Variants in SH3PXD2A observed in about 807,000 individuals in gnomAD.
SH3PXD2A encodes the protein SH3 and PX domains 2A, also known as SH3 and PX domain-containing protein 2A.
SH3PXD2A carries 32 observed loss-of-function variants against 115.2 expected under a neutral mutation model. The observed-to-expected ratio is 0.28, with a 90% confidence interval of 0.21 to 0.37. The LOEUF (loss-of-function observed/expected upper bound fraction) is 0.37. SH3PXD2A is among the 10% of genes least tolerant of loss of function. The pLI is 1.00. For synonymous variants in SH3PXD2A, 610 were observed against 629.1 expected, an observed-to-expected ratio of 0.97 and a Z score of 0.45; for missense variants, 1,328 against 1,498.7, an observed-to-expected ratio of 0.89 and a Z score of 1.88.
intron 7 of SH3PXD2A, among the ~76,000 whole-genome samples, chr10:103,663,919 A>T (rs2037348971): frequency 6.6e-6 from 1 of 152,262 alleles, no homozygotes; most frequent in Non-Finnish European, 1.5e-5. Context: ...AGTCCCGAGC[A>T]GCCCTGCTAA....
In SH3PXD2A at chr10:103,613,102, G is replaced by A; in HGVS notation, c.1009C>T (p.Pro337Ser). Residue 337 changes from proline (P) to serine (S), a missense_variant, in exon 12 of 15, where the codon CCA (proline) becomes TCA (serine). Transcript: ENST00000369774. Reference protein sequence around the residue: ...LPTRKKNLAGPVEIIGNIMEI... With the variant: ...LPTRKKNLAGSVEIIGNIMEI... ...ATGATGTTCCCAATGATCTCCACTG[G>A]GCCGGCCAGGTTCTTCTTCCGGGTT... is the stretch of plus-strand genomic sequence containing the variant. 6.2e-7 allele frequency: 1 copy of A among 1,614,188 alleles called. No homozygotes were observed. The highest frequency in any genetic ancestry group is 8.5e-7 in the Non-Finnish European group (1 of 1,180,034).
Position 103,607,151 on chromosome 10 carries a change from C to T in SH3PXD2A, c.1309-1234G>A, listed in dbSNP as rs533991192. ...GGGGAGTGCCTCTGCCCTGCCGCCC[C>T]GTCTGGGATGTGAGGAGCGCCTCTC... On this transcript the variant is annotated intron_variant, in intron 13 of 14. Coordinates refer to ENST00000369774, the MANE Select transcript of SH3PXD2A (RefSeq NM_001394015.1). Among the ~76,000 whole-genome samples the T allele has an allele frequency of 5.8e-3, 884 of 151,690 alleles. 10 individuals are homozygous for T. Among genetic ancestry groups the T allele is most frequent in the Non-Finnish European group, 6.8e-3 (458 of 67,806 alleles).
chr10:103,826,315 G>C (rs984638935), intron 1 of SH3PXD2A, among the ~76,000 whole-genome samples: 1 of 152,090 alleles, frequency 6.6e-6, no homozygotes, highest in Non-Finnish European at 1.5e-5. Flanking sequence ...AGGATACTTG[G>C]GCTCAGAGAG....
intron 6 of SH3PXD2A, among the ~76,000 whole-genome samples, chr10:103,689,017 C>T (rs998729431): frequency 3.3e-5 from 5 of 152,098 alleles, no homozygotes; most frequent in African/African-American, 9.7e-5. Context: ...CAGGCCTGCA[C>T]CACTACATCC....
intron 1 of SH3PXD2A, among the ~76,000 whole-genome samples, chr10:103,842,124 CAAA>C (rs541852028): frequency 1.1e-5 from 1 of 89,184 alleles, no homozygotes. Flanking sequence ...GACTCCGTCT[CAAA>C]AAAAAAAAAA....
intron 2 of SH3PXD2A, among the ~76,000 whole-genome samples, chr10:103,785,388 G>T (rs1168059304): frequency 6.6e-6 from 1 of 152,146 alleles, no homozygotes; most frequent in African/African-American, 2.4e-5. Context: ...GCTGGCCCAA[G>T]ACTCCTGCCC....
intron 3 of SH3PXD2A, among the ~76,000 whole-genome samples, chr10:103,761,302 T>C (rs1399894395): frequency 6.6e-6 from 1 of 152,158 alleles, no homozygotes; most frequent in Non-Finnish European, 1.5e-5. Context: ...AAAATGGGAA[T>C]AATGCCAGCT....
chr10:103,759,356 GATT>G (rs2038675750), intron 3 of SH3PXD2A, among the ~76,000 whole-genome samples: 1 of 152,188 alleles, frequency 6.6e-6, no homozygotes, highest in African/African-American at 2.4e-5. Context: ...CGCCTACCTT[GATT>G]ATGGTTATAG....
chr10:103,764,084 T>G (rs1589445806), intron 3 of SH3PXD2A, among the ~76,000 whole-genome samples: 1 of 152,336 alleles, frequency 6.6e-6, no homozygotes, highest in South Asian at 2.1e-4. Flanking sequence ...ACAGGCAATG[T>G]TCATCACTGC....
intron 7 of SH3PXD2A, among the ~76,000 whole-genome samples, chr10:103,662,343 G>GGT (rs1554908100): frequency 1.1e-5 from 1 of 90,854 alleles, no homozygotes; most frequent in Non-Finnish European, 2.2e-5. Flanking sequence ...ATTATTGGCG[G>GGT]GGGGGGGGGC....
intron 2 of SH3PXD2A, among the ~76,000 whole-genome samples, chr10:103,778,690 C>G (rs752748216): frequency 6.6e-6 from 1 of 152,212 alleles, no homozygotes; most frequent in Non-Finnish European, 1.5e-5. Context: ...AAAGAGACTC[C>G]GGTGGTGTTT....
intron 5 of SH3PXD2A, among the ~76,000 whole-genome samples, chr10:103,702,585 C>CTGTGTGCGTGCGTG (rs1554913249): frequency 3.0e-5 from 1 of 32,984 alleles, no homozygotes; most frequent in Non-Finnish European, 6.2e-5. Flanking sequence ...AGATGTAAGC[C>CTGTGTGCGTGCGTG]TGTGTGTGTG....
intron 14 of SH3PXD2A, among the ~76,000 whole-genome samples, chr10:103,604,763 C>A (rs961922701): frequency 6.6e-6 from 1 of 152,200 alleles, no homozygotes; most frequent in Non-Finnish European, 1.5e-5. Flanking sequence ...CTGCCCCAGC[C>A]CTGTACCTAC....
intron 2 of SH3PXD2A, among the ~76,000 whole-genome samples, chr10:103,792,542 T>C (rs1176606270): frequency 6.6e-6 from 1 of 152,234 alleles, no homozygotes; most frequent in Non-Finnish European, 1.5e-5. Context: ...TGTGTCATTT[T>C]ATTTTTCCTG....
At chr10:103,616,384 C>G (rs1366916395) in intron 11 of SH3PXD2A, among the ~76,000 whole-genome samples, 1 of 152,172 alleles carries the variant, frequency 6.6e-6, no homozygotes, top group Non-Finnish European at 1.5e-5. Flanking sequence ...TGAGCCAGTT[C>G]CAAGGACACC....
chr10:103,836,682 T>TACACACACACACACACAC (rs55855121), intron 1 of SH3PXD2A, among the ~76,000 whole-genome samples: 8 of 148,780 alleles, frequency 5.4e-5, no homozygotes, highest in African/African-American at 2.0e-4. Flanking sequence ...CACAGACATG[T>TACACACACACACACACAC]ACACACACAC....
chr10:103,736,681 CGTT>C (rs888977415), intron 3 of SH3PXD2A: 97 of 896,382 alleles, frequency 1.1e-4, no homozygotes, highest in Admixed American at 4.7e-5. Flanking sequence ...ATCCACAACT[CGTT>C]GTCCATTCCT....
At chr10:103,788,276 T>C (rs2038999542) in intron 2 of SH3PXD2A, among the ~76,000 whole-genome samples, 1 of 152,064 alleles carries the variant, frequency 6.6e-6, no homozygotes, top group Non-Finnish European at 1.5e-5. Context: ...AGGTGGAGAC[T>C]CCTGGAGGGT....
chr10:103,779,024 T>C (rs1190498126), intron 2 of SH3PXD2A, among the ~76,000 whole-genome samples: 11 of 152,226 alleles, frequency 7.2e-5, no homozygotes, highest in Non-Finnish European at 1.6e-4. Flanking sequence ...GAAGGAATAG[T>C]GTCTCCCCAG....
Sources: gnomAD v4.1 joint callset for allele counts (sites outside exome capture counted in the v4.1 genomes callset) on GRCh38, gnomAD v4.1.1 for gene constraint, MANE v1.5 for transcripts, NCBI Gene and HGNC (gene_info 2026-07-23, HGNC 2026-07-21) for gene names.